The following MMP24 variants were observed in gnomAD, a reference collection of about 807,000 sequenced individuals.
The protein encoded by MMP24 is matrix metalloproteinase-24.
A neutral mutation model predicts 62.8 loss-of-function variants in MMP24; 25 were observed. That is an observed-to-expected ratio of 0.40 (90% CI 0.29 to 0.56). The LOEUF is 0.56. Among genes scored for constraint, MMP24 ranks in the 20% least tolerant of loss-of-function variants. The pLI, the probability that MMP24 is intolerant of heterozygous loss-of-function variation, is 0.50. For synonymous variants in MMP24, 319 were observed against 350.5 expected (o/e 0.91, Z 1.00); for missense variants, 634 against 853.6 (o/e 0.74, Z 3.21).
At chr20:35,265,715 AC>A (rs1190218011) in intron 5 of MMP24, among the ~76,000 whole-genome samples, 2 of 150,004 alleles carry the variant, frequency 1.3e-5, no homozygotes, top group Non-Finnish European at 3.0e-5. Flanking sequence ...CCCTGTCTCT[AC>A]CCCCCCAAAA....
At chr20:35,260,237 T>C (rs890680897) in intron 4 of MMP24, among the ~76,000 whole-genome samples, 10 of 152,180 alleles carry the variant, frequency 6.6e-5, no homozygotes, top group African/African-American at 2.2e-4. Context: ...AGGGCTCTCT[T>C]GGGTTTCTGT....
chr20:35,242,819 C>T (rs113724323), intron 1 of MMP24, among the ~76,000 whole-genome samples: 3 of 152,170 alleles, frequency 2.0e-5, no homozygotes, highest in African/African-American at 7.2e-5. Context: ...CTCCATAGGA[C>T]CCACAAGAAC....
intron 4 of MMP24, among the ~76,000 whole-genome samples, chr20:35,259,997 GA>G: frequency 6.6e-6 from 1 of 152,260 alleles, no homozygotes; most frequent in East Asian, 1.9e-4. Flanking sequence ...ACACTGCTAG[GA>G]CATGGCAGAG....
rs868091192 is a variant in MMP24 at position 35,275,706 on chromosome 20, A to G, written c.*1097A>G. ...GGCGTCTGAAGTGCTCAGTGCCCCC[A>G]CTACTCTGAGGCCGACTCCAGCTAC... On this transcript the variant is annotated 3_prime_UTR_variant, in exon 9 of 9. Transcript: ENST00000246186. 2.0e-4 allele frequency: 51 copies of G among 253,868 alleles called. No homozygotes were observed. The highest frequency in any genetic ancestry group is 6.7e-5 in the Non-Finnish European group (9 of 134,960). The allele number at this position is 253,868 out of a possible 1,614,324, so 15.7% of individuals were successfully genotyped here.
In MMP24 at chr20:35,254,687, A is replaced by G. The variant is rs779230908; in HGVS notation, c.750A>G (p.Pro250=). ...TGGCCCATGCCTACTTCCCTGGCCC[A>G]GGGATTGGAGGAGACACCCACTTTG... The part of the protein sequence containing the change: ...GFLAHAYFPG[P]GIGGDTHFDS... The change falls in exon 4 of 9, where the codon CCA becomes CCG. Residue 250 remains proline (P), a synonymous_variant. Transcript: ENST00000246186. The G allele has an allele frequency of 3.1e-6, 5 of 1,614,182 alleles. No homozygotes were observed. The South Asian group carries it at 5.5e-5, about 18-fold the overall frequency.
chr20:35,267,326 G>A lies in MMP24; in HGVS notation c.1101G>A (p.Gly367=). The A allele has an allele frequency of 6.3e-7, 1 of 1,589,556 alleles. No homozygotes were observed. The part of the protein sequence containing the change: ...RQPRPPRPPL[G]DRPSTPGTKP... Reference sequence around the variant, plus strand: ...CCAGGCCCCCTCGGCCGCCCCTCGGGGACCGGCCATCCACACCAGGCACCA... The same window carrying A: ...CCAGGCCCCCTCGGCCGCCCCTCGGAGACCGGCCATCCACACCAGGCACCA... The change falls in exon 6 of 9, where the codon GGG becomes GGA. Residue 367 remains glycine, a synonymous_variant. Transcript: ENST00000246186.
intron 4 of MMP24, among the ~76,000 whole-genome samples, chr20:35,256,977 C>G (rs887706761): frequency 2.0e-5 from 3 of 152,182 alleles, no homozygotes; most frequent in African/African-American, 7.2e-5. Flanking sequence ...GAAATCCTGA[C>G]TCTTGAGCTC....
Position 35,238,603 on chromosome 20 carries a change from G to A in MMP24, c.247-8237G>A, listed in dbSNP as rs371802905. Among the ~76,000 whole-genome samples the A allele has an allele frequency of 1.8e-4, 28 of 152,270 alleles. No homozygotes were observed. The East Asian group carries it at 3.7e-3, about 20-fold the overall frequency. ...AGGGAGTCAGGGACCATATCATAAA[G>A]GCTCTTAACTGCAGAGATGGAAAGC... On this transcript the variant is annotated intron_variant, in intron 1 of 8. Transcript: ENST00000246186.
At chr20:35,267,006 G>A (rs968780019) in intron 5 of MMP24, among the ~76,000 whole-genome samples, 199 bp from the exon 6 acceptor site, 2 of 152,182 alleles carry the variant, frequency 1.3e-5, no homozygotes, top group East Asian at 3.9e-4. Flanking sequence ...TACCAGATTC[G>A]GGGATGGAAA....
intron 4 of MMP24, chr20:35,262,998 A>AT (rs1435552942): frequency 6.6e-6 from 1 of 152,034 alleles, no homozygotes; most frequent in Non-Finnish European, 1.5e-5. Context: ...AGGCAGAAGA[A>AT]TTTTTCTTAG....
At chr20:35,236,152 T>A (rs1382678380) in intron 1 of MMP24, 1 of 152,178 alleles carries the variant, frequency 6.6e-6, no homozygotes, top group Non-Finnish European at 1.5e-5. Flanking sequence ...GAAGCTAAGC[T>A]GGGCATTGTG....
rs1388561912 is a variant in MMP24 at position 35,276,228 on chromosome 20, C to A, written c.*1619C>A. Reference sequence around the variant, plus strand: ...CAAAATCTCTTGTCCCAGAGGTGCCCATGTGGGTCCGCTGTGTCCCCTGTC... The same window carrying A: ...CAAAATCTCTTGTCCCAGAGGTGCCAATGTGGGTCCGCTGTGTCCCCTGTC... On this transcript the variant is annotated 3_prime_UTR_variant, in exon 9 of 9. Transcript: ENST00000246186. 2.5e-6 allele frequency: 1 copy of A among 398,978 alleles called. No homozygotes were observed. Among genetic ancestry groups the A allele is most frequent in the East Asian group, 3.6e-5 (1 of 28,074 alleles). 24.7% of individuals were successfully genotyped at this position (398,978 alleles called of 1,614,324 possible).
In MMP24 at chr20:35,242,541, C is replaced by A. The variant is rs144720724; in HGVS notation, c.247-4299C>A. 5.8e-3 allele frequency among the ~76,000 whole-genome samples: 885 copies of A among 152,206 alleles called. 3 individuals carry two copies. Among genetic ancestry groups the A allele is most frequent in the Non-Finnish European group, 8.7e-3 (593 of 68,020 alleles). ...AAAAAGGGAAACGCATTGGGTTATCCAGTGTTCCTTTTCTTATACCTTAAA... is the reference window on the plus strand; with the variant it reads ...AAAAAGGGAAACGCATTGGGTTATCAAGTGTTCCTTTTCTTATACCTTAAA... On this transcript the variant is annotated intron_variant, in intron 1 of 8. Transcript: ENST00000246186.
chr20:35,251,212 G>A (rs766492304), intron 2 of MMP24, among the ~76,000 whole-genome samples: 1 of 151,356 alleles, frequency 6.6e-6, no homozygotes, highest in Non-Finnish European at 1.5e-5. Flanking sequence ...TCCGCCTCAC[G>A]GGTTCAAGCA....
rs1568622885 is a variant in MMP24, at chr20:35,271,937, A to G, written c.1600+102A>G. The G allele has an allele frequency of 2.3e-6, 3 of 1,307,308 alleles. No homozygotes were observed. The highest frequency in any genetic ancestry group is 3.1e-6 in the Non-Finnish European group (3 of 978,216). The allele number at this position is 1,307,308 out of a possible 1,614,324, so 81.0% of individuals were successfully genotyped here. On this transcript the variant is annotated intron_variant, in intron 8 of 8. Transcript: ENST00000246186. The surrounding 1 kb of genome is among the most constrained non-coding windows in gnomAD (Gnocchi z 4.0). ...AGTGCCCATGGGCGTCCAGGTTTGAAAAAACACCTGGTGGCAGACAACTGC... is the reference window on the plus strand; with the variant it reads ...AGTGCCCATGGGCGTCCAGGTTTGAGAAAACACCTGGTGGCAGACAACTGC...
intron 2 of MMP24, among the ~76,000 whole-genome samples, chr20:35,247,648 G>A (rs959166987): frequency 1.3e-5 from 2 of 152,212 alleles, no homozygotes; most frequent in East Asian, 1.9e-4. Context: ...AAAGCCAGCC[G>A]AGAAGGGGCA....
chr20:35,230,385 T>C (rs1000726568), intron 1 of MMP24, among the ~76,000 whole-genome samples: 1 of 152,220 alleles, frequency 6.6e-6, no homozygotes, highest in African/African-American at 2.4e-5. Flanking sequence ...TTTTTTTACA[T>C]TGAACAAAAT....
At chr20:35,270,808 G>C (rs535948387) in intron 7 of MMP24, among the ~76,000 whole-genome samples, 1 of 152,242 alleles carries the variant, frequency 6.6e-6, no homozygotes, top group Non-Finnish European at 1.5e-5. Flanking sequence ...GGGAGGCCAA[G>C]GCTGGCAGAT....
intron 1 of MMP24, among the ~76,000 whole-genome samples, chr20:35,233,589 A>C (rs2060447663): frequency 6.6e-6 from 1 of 152,122 alleles, no homozygotes; most frequent in Non-Finnish European, 1.5e-5. Flanking sequence ...AAATCTGATC[A>C]CCTTACTCCC....
Sources: gnomAD v4.1 joint callset for allele counts (sites outside exome capture counted in the v4.1 genomes callset) on GRCh38, gnomAD v4.1.1 for gene constraint, Gnocchi (gnomAD v3.1) non-coding constraint, MANE v1.5 for transcripts, NCBI Gene and HGNC (gene_info 2026-07-23, HGNC 2026-07-21) for gene names.